The following SLC30A3 variants were observed in gnomAD, a reference collection of about 807,000 sequenced individuals.
SLC30A3 encodes the protein solute carrier family 30 member 3.
In SLC30A3, 20 loss-of-function variants were observed where a neutral mutation model predicts 35.6. The observed-to-expected ratio is 0.56, with a 90% confidence interval of 0.39 to 0.82. The LOEUF (loss-of-function observed/expected upper bound fraction) is 0.82. Among genes scored for constraint, SLC30A3 ranks in the 40% least tolerant of loss-of-function variants. SLC30A3 has a pLI of 0.00. For missense variants in SLC30A3, 401 were observed against 530.6 expected (o/e 0.76, Z 2.40); for synonymous variants, 217 against 224.7 (o/e 0.97, Z 0.31).
At chr2:27,265,815 TTCTCA>T (rs1037995706), upstream of SLC30A3, among the ~76,000 whole-genome samples, 3 of 152,108 alleles carry the variant, frequency 2.0e-5, no homozygotes, top group African/African-American at 7.2e-5. The surrounding 1 kb of genome is among the most constrained non-coding windows in gnomAD (Gnocchi z 5.9). Flanking sequence ...AATTGTTTCT[TTCTCA>T]TCTGTGTCCC....
chr2:27,257,366 A>G lies in SLC30A3; in HGVS notation c.579-14T>C. 6.3e-7 allele frequency: 1 copy of G among 1,596,082 alleles called. No homozygotes were observed. The highest frequency in any genetic ancestry group is 8.5e-7 in the Non-Finnish European group (1 of 1,171,696). Reference sequence around the variant, plus strand: ...ACAAAGGCCATTCTGAGGGGTAAGCAGAGCACCTCAGCCTAGGGCCCTGCT... The same window carrying G: ...ACAAAGGCCATTCTGAGGGGTAAGCGGAGCACCTCAGCCTAGGGCCCTGCT... On this transcript the variant is annotated splice_polypyrimidine_tract_variant and intron_variant, in intron 4 of 7. Coordinates refer to ENST00000233535, the MANE Select transcript of SLC30A3 (RefSeq NM_003459.5). This position sits in a 1 kb window ranked among gnomAD's most constrained non-coding sequence, Gnocchi z 4.7.
chr2:27,265,729 C>G (rs1480032287), upstream of SLC30A3, among the ~76,000 whole-genome samples: 1 of 152,082 alleles, frequency 6.6e-6, no homozygotes, highest in Non-Finnish European at 1.5e-5. This position sits in a 1 kb window ranked among gnomAD's most constrained non-coding sequence, Gnocchi z 5.9. Flanking sequence ...TTATCTGATC[C>G]CAGCACTCAC....
chr2:27,258,216 G>A lies in SLC30A3; in HGVS notation c.369C>T (p.Leu123=), dbSNP rs368512341. The stretch of plus-strand genomic sequence containing the variant: ...GGGTGGCTGGACGGGTGGAGAGCCA[G>A]AGGGAGAAGAGGCTGCCCATCATGC... ...VGSMMGSLFS[L]WLSTRPATRT... is the part of the protein sequence containing the mutation. Residue 123 remains leucine (L), a synonymous_variant, in exon 3 of 8, where the codon CTC becomes CTT. Coordinates refer to ENST00000233535, the MANE Select transcript of SLC30A3 (RefSeq NM_003459.5). The surrounding 1 kb of genome is among the most constrained non-coding windows in gnomAD (Gnocchi z 4.0). The A allele has an allele frequency of 3.1e-6, 5 of 1,596,774 alleles. No homozygotes were observed. Among genetic ancestry groups the A allele is most frequent in the Non-Finnish European group, 8.5e-7 (1 of 1,170,004 alleles).
At chr2:27,264,341 AAAAACAAAAC>A (rs1021344017), upstream of SLC30A3, among the ~76,000 whole-genome samples, 3 of 152,204 alleles carry the variant, frequency 2.0e-5, no homozygotes, top group African/African-American at 4.8e-5. The surrounding 1 kb of genome is among the most constrained non-coding windows in gnomAD (Gnocchi z 6.1). Context: ...GCACTTGCAA[AAAAACAAAAC>A]AAAACAAAAC....
rs1287838754 is a variant in SLC30A3 at position 27,258,404 on chromosome 2, G to A, written c.278-97C>T. On this transcript the variant is annotated intron_variant, in intron 2 of 7. Coordinates refer to ENST00000233535, the MANE Select transcript of SLC30A3 (RefSeq NM_003459.5). The surrounding 1 kb of genome is among the most constrained non-coding windows in gnomAD (Gnocchi z 4.0). ...AAATTGGGGGATATACACCAAAAAT[G>A]TGATTTGGGGTTTTCTCAGGTGATG... 10 of 1,259,662 alleles carry A rather than the reference G, an allele frequency of 7.9e-6. No homozygotes were observed. The highest frequency in any genetic ancestry group is 1.5e-5 in the African/African-American group (1 of 66,332). The allele number at this position is 1,259,662 out of a possible 1,614,324, so 78.0% of individuals were successfully genotyped here.
upstream of SLC30A3, chr2:27,263,171 C>T: frequency 8.3e-7 from 1 of 1,211,804 alleles, no homozygotes; most frequent in Non-Finnish European, 1.1e-6. Flanking sequence ...CCCGCCCCCA[C>T]TGCCAAAGCC....
chr2:27,260,435 G>A (rs1677123826), intron 1 of SLC30A3, among the ~76,000 whole-genome samples: 1 of 152,154 alleles, frequency 6.6e-6, no homozygotes, highest in South Asian at 2.1e-4. Context: ...GACCTCACCT[G>A]GGGATGCCAG....
rs1572470141 is a variant in SLC30A3 at position 27,257,335 on chromosome 2, T to C, written c.596A>G (p.His199Arg). 1 of 1,612,550 alleles carries C rather than the reference T, an allele frequency of 6.2e-7. No individual in the cohort carries two copies. Among genetic ancestry groups the C allele is most frequent in the Non-Finnish European group, 8.5e-7 (1 of 1,179,406 alleles). ...CANLLMAFVL[H>R]QAGPPHSHGS... ...GTGGCTGTGGGGGGGCCCAGCCTGG[T>C]GCAGCACAAAGGCCATTCTGAGGGG... The change falls in exon 5 of 8, where the codon CAC (histidine) becomes CGC (arginine). Residue 199 changes from histidine to arginine, a missense_variant. His to Arg is a conservative substitution (Grantham distance 29). Transcript: ENST00000233535. The surrounding 1 kb of genome is among the most constrained non-coding windows in gnomAD (Gnocchi z 4.7).
chr2:27,256,403 G>C lies in SLC30A3; in HGVS notation c.1001C>G (p.Ser334Cys). The stretch of plus-strand genomic sequence containing the variant: ...TGACTCACCGATGGCCAGGTGTGCA[G>C]AGGCAACATGGTAAGTGAGCGTAAG... Reference protein sequence around the residue: ...WALTLTYHVASAHLAIDSTAD... With the variant: ...WALTLTYHVACAHLAIDSTAD... The change falls in exon 7 of 8, where the codon TCT becomes TGT. Residue 334 changes from serine to cysteine, a missense_variant. By Grantham distance (112) the Ser-to-Cys change is moderately radical (BLOSUM62 -1). Transcript: ENST00000233535. 6.2e-7 allele frequency: 1 copy of C among 1,614,150 alleles called. No individual in the cohort carries two copies. Among genetic ancestry groups the C allele is most frequent in the South Asian group, 1.1e-5 (1 of 91,084 alleles).
At chr2:27,263,065 AAC>A (rs1677308325), upstream of SLC30A3, 1 of 1,359,292 alleles carries the variant, frequency 7.4e-7, no homozygotes. Context: ...GCGGAGTCCG[AAC>A]TGCAGATCCC....
At chr2:27,267,499 C>T (rs1463961009), upstream of SLC30A3, among the ~76,000 whole-genome samples, 1 of 152,194 alleles carries the variant, frequency 6.6e-6, no homozygotes, top group African/African-American at 2.4e-5. Context: ...ACCAGGTATG[C>T]TCCCACCCCA....
upstream of SLC30A3, chr2:27,264,232 C>T (rs757204329): frequency 3.1e-5 from 13 of 416,526 alleles, no homozygotes; most frequent in Non-Finnish European, 5.8e-5. The surrounding 1 kb of genome is among the most constrained non-coding windows in gnomAD (Gnocchi z 6.1). Flanking sequence ...GCAAGAAACT[C>T]ATCAGCCGCA....
At chr2:27,265,071 C>A (rs1205437798), upstream of SLC30A3, among the ~76,000 whole-genome samples, 1 of 152,222 alleles carries the variant, frequency 6.6e-6, no homozygotes, top group Non-Finnish European at 1.5e-5. This position sits in a 1 kb window ranked among gnomAD's most constrained non-coding sequence, Gnocchi z 5.9. Flanking sequence ...ACTGCGGGGT[C>A]CTATGCGGGG....
Position 27,258,064 on chromosome 2 carries a change from G to T in SLC30A3, c.425-6C>A. On this transcript the variant is annotated splice_region_variant and splice_polypyrimidine_tract_variant and intron_variant, in intron 3 of 7. Coordinates refer to ENST00000233535, the MANE Select transcript of SLC30A3 (RefSeq NM_003459.5). This position sits in a 1 kb window ranked among gnomAD's most constrained non-coding sequence, Gnocchi z 4.0. ...GGCCAAAGCCCCCAGAGTCTCTGCG[G>T]GTGGGGGGGGAGACAAGCTGTCAGA... 2 of 1,613,634 alleles carry T rather than the reference G, an allele frequency of 1.2e-6. No individual in the cohort carries two copies. Among genetic ancestry groups the T allele is most frequent in the Admixed American group, 3.3e-5 (2 of 60,004 alleles).
chr2:27,267,080 T>C (rs959144420), upstream of SLC30A3, among the ~76,000 whole-genome samples: 1 of 152,124 alleles, frequency 6.6e-6, no homozygotes, highest in African/African-American at 2.4e-5. Flanking sequence ...GAACCTTCTC[T>C]TTCTGCAGTC....
intron 1 of SLC30A3, among the ~76,000 whole-genome samples, chr2:27,260,436 GGGA>G (rs1374204592): frequency 6.6e-6 from 1 of 152,144 alleles, no homozygotes; most frequent in Non-Finnish European, 1.5e-5. Context: ...ACCTCACCTG[GGGA>G]TGCCAGAGGC....
chr2:27,258,314 G>T lies in SLC30A3; in HGVS notation c.278-7C>A. On this transcript the variant is annotated splice_region_variant and splice_polypyrimidine_tract_variant and intron_variant, in intron 2 of 7. Transcript: ENST00000233535. This position sits in a 1 kb window ranked among gnomAD's most constrained non-coding sequence, Gnocchi z 4.0. ...CTGTGTGCCAGATACCCGCCTGCCA[G>T]GGTGAAATGATGGAGTCTGCTTCCA... 6.6e-7 allele frequency: 1 copy of T among 1,514,794 alleles called. No individual in the cohort carries two copies. The highest frequency in any genetic ancestry group is 8.8e-7 in the Non-Finnish European group (1 of 1,130,408). The allele number at this position is 1,514,794 out of a possible 1,614,324, so 93.8% of individuals were successfully genotyped here. A position where few individuals can be genotyped will look rare whatever the true frequency, so the allele number is the denominator to read the frequency against.
upstream of SLC30A3, chr2:27,263,294 C>T: frequency 2.1e-6 from 1 of 480,910 alleles, no homozygotes; most frequent in Non-Finnish European, 4.1e-6. Context: ...CACACAGTCC[C>T]GCCCACCGGT....
At chr2:27,261,753 T>C (rs1677195496) in intron 1 of SLC30A3, among the ~76,000 whole-genome samples, 2 of 151,384 alleles carry the variant, frequency 1.3e-5, no homozygotes, top group South Asian at 4.2e-4. Flanking sequence ...TGAACCAAAA[T>C]CAAAAGGACA....
Sources: gnomAD v4.1 joint callset for allele counts (sites outside exome capture counted in the v4.1 genomes callset) on GRCh38, gnomAD v4.1.1 for gene constraint, Gnocchi (gnomAD v3.1) non-coding constraint, MANE v1.5 for transcripts, NCBI Gene and HGNC (gene_info 2026-07-23, HGNC 2026-07-21) for gene names.